MTUS2: variants seen among roughly 807,000 people sequenced by gnomAD.
The protein encoded by MTUS2 is microtubule associated scaffold protein 2.
Under a neutral mutation model 114.1 loss-of-function variants are expected in MTUS2, and 40 were observed. The ratio of observed to expected loss-of-function variants is 0.35; its 90% confidence interval spans 0.27 to 0.46. The LOEUF is 0.46. Among genes scored for constraint, MTUS2 ranks in the 20% least tolerant of loss-of-function variants. The pLI, the probability that MTUS2 is intolerant of heterozygous loss-of-function variation, is 1.00. For synonymous variants in MTUS2, 688 were observed against 672.0 expected (o/e 1.02, Z -0.37); for missense variants, 1,679 against 1,705.4 (o/e 0.98, Z 0.27).
chr13:29,444,342 T>A (rs906333197), intron 9 of MTUS2, among the ~76,000 whole-genome samples: 1 of 152,116 alleles, frequency 6.6e-6, no homozygotes, highest in Non-Finnish European at 1.5e-5. Flanking sequence ...GGCAGGAGAA[T>A]CGCTTGAACC....
At chr13:28,897,263 G>T (rs935472189) in intron 2 of MTUS2, among the ~76,000 whole-genome samples, 2 of 146,954 alleles carry the variant, frequency 1.4e-5, no homozygotes, top group African/African-American at 2.7e-5. Context: ...CTTCTCAAAA[G>T]AAGACATTTA....
At chr13:29,390,756 G>GTGA (rs71090251) in intron 8 of MTUS2, among the ~76,000 whole-genome samples, 67,334 of 146,484 alleles carry the variant, frequency 0.46, 15,727 homozygotes, top group Admixed American at 0.56. Context: ...CCACCAAATG[G>GTGA]TGATGATGAT....
chr13:28,858,095 G>A (rs1422839879), intron 2 of MTUS2, among the ~76,000 whole-genome samples: 1 of 151,138 alleles, frequency 6.6e-6, no homozygotes, highest in East Asian at 1.9e-4. Context: ...AAAAGCCCTT[G>A]AGTGGGAATG....
chr13:29,326,322 A>G (rs1291778951), intron 7 of MTUS2, among the ~76,000 whole-genome samples: 2 of 152,184 alleles, frequency 1.3e-5, no homozygotes, highest in Admixed American at 1.3e-4. Flanking sequence ...GCTTATGGCT[A>G]CTTAGTCGAC....
At chr13:29,411,510 C>A (rs1372919610) in intron 8 of MTUS2, among the ~76,000 whole-genome samples, 1 of 152,010 alleles carries the variant, frequency 6.6e-6, no homozygotes, top group African/African-American at 2.4e-5. Flanking sequence ...AGATCTAGAC[C>A]CTCTGCATAA....
chr13:29,034,256 G>A, intron 4 of MTUS2, 131 bp downstream of exon 4: 1 of 1,198,778 alleles, frequency 8.3e-7, no homozygotes, highest in African/African-American at 1.5e-5. Context: ...TCTTCCATAT[G>A]TCTGTAGATG....
At position 29,009,751 on chromosome 13, in the gene MTUS2, AT is replaced by A. The variant is rs11345253; in HGVS notation, c.-242-14699del. Among the ~76,000 whole-genome samples the A allele has an allele frequency of 9.0e-3, 1,362 of 151,748 alleles. 22 individuals carry two copies. The highest frequency in any genetic ancestry group is 0.031 in the African/African-American group (1,299 of 41,364). On this transcript the variant is annotated intron_variant, in intron 2 of 15. Transcript: ENST00000612955. ...TAAAAGGTTTTCTTATGTTTTCTTT[AT>A]TTTTTTAGTGCCTTTTTTCATTTCA...
intron 5 of MTUS2, among the ~76,000 whole-genome samples, chr13:29,103,298 T>A (rs767930844): frequency 1.3e-5 from 2 of 152,160 alleles, no homozygotes; most frequent in Non-Finnish European, 2.9e-5. Context: ...TGCACAAACC[T>A]AGATGACATA....
intron 12 of MTUS2, 109 bp from the exon 13 acceptor site, chr13:29,497,127 ACT>A (rs1882599157): frequency 1.1e-6 from 1 of 899,688 alleles, no homozygotes; most frequent in Non-Finnish European, 1.8e-6. Context: ...CAAGGGAAAC[ACT>A]CTGAGGATGC....
intron 2 of MTUS2, among the ~76,000 whole-genome samples, chr13:28,878,219 A>ATG (rs1555269799): frequency 3.9e-4 from 57 of 147,458 alleles, no homozygotes; most frequent in East Asian, 1.4e-3. Context: ...ATATATATAT[A>ATG]TGTGTGTGTG....
chr13:29,387,973 G>A (rs188093597), intron 8 of MTUS2, among the ~76,000 whole-genome samples: 4 of 152,166 alleles, frequency 2.6e-5, no homozygotes, highest in Admixed American at 2.6e-4. Context: ...TTGGGCCATC[G>A]CTTCACTCTG....
intron 4 of MTUS2, among the ~76,000 whole-genome samples, chr13:29,041,621 G>A (rs1440018768): frequency 2.6e-5 from 4 of 151,646 alleles, no homozygotes; most frequent in African/African-American, 9.7e-5. Context: ...GATTTTTTTC[G>A]GCAGTGTTTT....
At chr13:29,014,894 T>C (rs978023830) in intron 2 of MTUS2, among the ~76,000 whole-genome samples, 1 of 152,192 alleles carries the variant, frequency 6.6e-6, no homozygotes, top group Non-Finnish European at 1.5e-5. Context: ...GGGAGCATGG[T>C]AGGAGATGTG....
At chr13:29,344,471 G>A (rs1262184592) in intron 7 of MTUS2, among the ~76,000 whole-genome samples, 5 of 151,800 alleles carry the variant, frequency 3.3e-5, no homozygotes, top group Admixed American at 6.6e-5. Context: ...TAGCTACTCC[G>A]GCTCATTTTT....
intron 8 of MTUS2, among the ~76,000 whole-genome samples, chr13:29,393,852 AG>A (rs1407593784): frequency 6.6e-6 from 1 of 152,136 alleles, no homozygotes; most frequent in Non-Finnish European, 1.5e-5. Flanking sequence ...CGAAGTCGGG[AG>A]GGGGCTTCCA....
intron 6 of MTUS2, among the ~76,000 whole-genome samples, chr13:29,315,894 A>G (rs1899968268): frequency 1.3e-5 from 2 of 152,186 alleles, no homozygotes; most frequent in South Asian, 4.1e-4. Context: ...GTAACCAGAA[A>G]GAAGGATATG....
At chr13:29,095,367 C>G (rs1890133788) in intron 4 of MTUS2, among the ~76,000 whole-genome samples, 1 of 152,062 alleles carries the variant, frequency 6.6e-6, no homozygotes, top group African/African-American at 2.4e-5. Flanking sequence ...ATTGTATCTT[C>G]CTAATGCATT....
intron 2 of MTUS2, among the ~76,000 whole-genome samples, chr13:28,885,003 T>G (rs564410088): frequency 7.3e-5 from 11 of 151,612 alleles, no homozygotes; most frequent in African/African-American, 2.7e-4. Flanking sequence ...ACCTTTTAAG[T>G]TTTTTTTAAG....
rs139690557 is a variant in MTUS2, at chr13:28,896,098, G to C, written c.-243+56248G>C. Among the ~76,000 whole-genome samples the C allele has an allele frequency of 3.2e-3, 491 of 152,290 alleles. 1 individual carries two copies. Among genetic ancestry groups the C allele is most frequent in the Middle Eastern group, 0.014 (4 of 294 alleles). On this transcript the variant is annotated intron_variant, in intron 2 of 15. Transcript: ENST00000612955. ...GATTGATTATTGGAGTAATTGTATA[G>C]ATAATAAATAATACAAGATGTTAGA...
Sources: gnomAD v4.1 joint callset for allele counts (sites outside exome capture counted in the v4.1 genomes callset) on GRCh38, gnomAD v4.1.1 for gene constraint, MANE v1.5 for transcripts, NCBI Gene and HGNC (gene_info 2026-07-23, HGNC 2026-07-21) for gene names.